Variants in RPS6KC1 observed in about 807,000 individuals in gnomAD.
The protein encoded by RPS6KC1 is ribosomal protein S6 kinase C1, also known as inactive ribosomal protein S6 kinase delta-1.
In RPS6KC1, 54 loss-of-function variants were observed where a neutral mutation model predicts 103.8. The ratio of observed to expected loss-of-function variants is 0.52; its 90% CI spans 0.42 to 0.65. The LOEUF is 0.65. Ranked by LOEUF, RPS6KC1 falls within the 30% of genes least tolerant of loss-of-function variation. The pLI is 0.00. For synonymous variants in RPS6KC1, 439 were observed against 438.7 expected, an observed-to-expected ratio of 1.00 and a Z score of -0.01; for missense variants, 1,151 against 1,253.8, an observed-to-expected ratio of 0.92 and a Z score of 1.24.
At chr1:213,550,889 AT>A in the RPS6KC1 span, among the ~76,000 whole-genome samples, 1 of 152,174 alleles carries the variant, frequency 6.6e-6, no homozygotes. Context: ...AAGAATTATT[AT>A]GGCTTTCCCC....
chr1:213,290,345 A>T, the RPS6KC1 span, among the ~76,000 whole-genome samples: 568 of 152,184 alleles, frequency 3.7e-3, 5 homozygotes, highest in African/African-American at 0.013. Context: ...ATTGGTACTT[A>T]ACTGTTCTTT....
chr1:213,080,770 G>T (rs1327081801), intron 3 of RPS6KC1, among the ~76,000 whole-genome samples: 1 of 152,170 alleles, frequency 6.6e-6, no homozygotes, highest in African/African-American at 2.4e-5. Flanking sequence ...TCACCATTTT[G>T]CCCAGGCTGG....
chr1:213,251,964 T>G (rs1335348654), intron 12 of RPS6KC1, among the ~76,000 whole-genome samples: 1 of 152,176 alleles, frequency 6.6e-6, no homozygotes, highest in Non-Finnish European at 1.5e-5. Context: ...TTAATAGACC[T>G]TTATAGGTGA....
At chr1:213,470,923 C>T in the RPS6KC1 span, among the ~76,000 whole-genome samples, 49 of 152,196 alleles carry the variant, frequency 3.2e-4, no homozygotes, top group Admixed American at 1.0e-3. Context: ...CGATGCCTGG[C>T]CTGGAATGCT....
the RPS6KC1 span, among the ~76,000 whole-genome samples, chr1:213,347,592 T>C: frequency 1.3e-5 from 2 of 152,090 alleles, no homozygotes; most frequent in African/African-American, 4.8e-5. Context: ...TAGTCCTGGC[T>C]ACTTGGGAGG....
At chr1:213,702,845 G>A in the RPS6KC1 span, among the ~76,000 whole-genome samples, 1 of 30,180 alleles carries the variant, frequency 3.3e-5, no homozygotes, top group Non-Finnish European at 6.2e-5. Flanking sequence ...AGATCATTGA[G>A]GTTTTTTTTG....
At chr1:213,079,266 A>G (rs183388306) in intron 3 of RPS6KC1, among the ~76,000 whole-genome samples, 21 of 152,260 alleles carry the variant, frequency 1.4e-4, no homozygotes, top group Admixed American at 1.3e-3. Flanking sequence ...TTGTTCATAC[A>G]TTACTGTGCA....
chr1:213,722,196 C>T, the RPS6KC1 span, among the ~76,000 whole-genome samples: 3 of 152,054 alleles, frequency 2.0e-5, no homozygotes, highest in South Asian at 4.1e-4. Flanking sequence ...AAGACCAGAA[C>T]CCAGATCTCA....
chr1:213,709,958 A>C, the RPS6KC1 span, among the ~76,000 whole-genome samples: 3 of 152,158 alleles, frequency 2.0e-5, no homozygotes, highest in African/African-American at 7.2e-5. Flanking sequence ...CGATTTTAGA[A>C]TAAGTGCTAT....
rs1284187625 is a variant in RPS6KC1 at position 213,264,193 on chromosome 1, T to G, written c.3090+1377T>G. Among the ~76,000 whole-genome samples the G allele has an allele frequency of 2.0e-5, 3 of 152,266 alleles. 1 individual carries two copies. In the South Asian group the frequency reaches 6.2e-4, roughly 32 times the overall value. On this transcript the variant is annotated intron_variant, in intron 14 of 14. Transcript: ENST00000366960. ...AGTTTGTGGAGAAGAGTAAACAGTT[T>G]AGAGTTGTACTTCAGGAAGATTAAT... is the stretch of plus-strand genomic sequence containing the variant.
chr1:213,236,505 C>T (rs2094223525), intron 10 of RPS6KC1, among the ~76,000 whole-genome samples: 1 of 152,076 alleles, frequency 6.6e-6, no homozygotes, highest in African/African-American at 2.4e-5. Flanking sequence ...CTATATCAGT[C>T]AGGATTTTAG....
At chr1:213,813,746 A>G in the RPS6KC1 span, among the ~76,000 whole-genome samples, 1 of 152,118 alleles carries the variant, frequency 6.6e-6, no homozygotes, top group Non-Finnish European at 1.5e-5. Context: ...TGGCCTTGGA[A>G]GTGGGGGAGC....
the RPS6KC1 span, among the ~76,000 whole-genome samples, chr1:213,503,598 C>T: frequency 6.6e-6 from 1 of 152,234 alleles, no homozygotes; most frequent in Admixed American, 6.5e-5. Context: ...TGCCTATTAA[C>T]AGTTACTTAT....
At position 213,069,281 on chromosome 1, in the gene RPS6KC1, A is replaced by G. The variant is rs1015715321; in HGVS notation, c.106-1725A>G. Among the ~76,000 whole-genome samples, 4 of 152,214 alleles carry G rather than the reference A, an allele frequency of 2.6e-5. No homozygotes were observed. In the South Asian group the frequency reaches 6.2e-4, roughly 24 times the overall value. On this transcript the variant is annotated intron_variant, in intron 1 of 14. Coordinates refer to ENST00000366960, the MANE Select transcript of RPS6KC1 (RefSeq NM_012424.6). Reference sequence around the variant, plus strand: ...ATTACTACAAGATTTCACCAAGTTTATATATTCTGAAAGTTGGAGAATAGA... The same window carrying G: ...ATTACTACAAGATTTCACCAAGTTTGTATATTCTGAAAGTTGGAGAATAGA...
rs373303672 is a variant in RPS6KC1 at position 213,071,101 on chromosome 1, T to C, written c.141+60T>C. On this transcript the variant is annotated intron_variant, in intron 2 of 14. Transcript: ENST00000366960. ...TGATAAAAATTTAACTAAATGCTTT[T>C]TTGAGGAAATTGCCTGAATCATTTG... 43 of 996,910 alleles carry C rather than the reference T, an allele frequency of 4.3e-5. 1 individual carries two copies. The highest frequency in any genetic ancestry group is 1.9e-4 in the East Asian group (7 of 36,540). 61.8% of individuals were successfully genotyped at this position (996,910 alleles called of 1,614,324 possible). A position where few individuals can be genotyped will look rare whatever the true frequency, so the allele number is the denominator to read the frequency against.
chr1:213,160,709 A>T (rs960608141), intron 6 of RPS6KC1, among the ~76,000 whole-genome samples: 1 of 151,774 alleles, frequency 6.6e-6, no homozygotes, highest in Non-Finnish European at 1.5e-5. Context: ...AGGGACATGG[A>T]TGAAGCTGGA....
At chr1:213,393,463 C>T in the RPS6KC1 span, among the ~76,000 whole-genome samples, 1 of 152,180 alleles carries the variant, frequency 6.6e-6, no homozygotes, top group Non-Finnish European at 1.5e-5. Context: ...TTTAATCTCA[C>T]TCTTAATGTA....
At chr1:213,588,657 C>T in the RPS6KC1 span, among the ~76,000 whole-genome samples, 69 of 152,192 alleles carry the variant, frequency 4.5e-4, no homozygotes, top group East Asian at 0.012. Flanking sequence ...TTTTGGGGTA[C>T]ATAACATTGA....
chr1:213,407,977 T>C, the RPS6KC1 span, among the ~76,000 whole-genome samples: 1 of 152,244 alleles, frequency 6.6e-6, no homozygotes, highest in Non-Finnish European at 1.5e-5. Context: ...TAAAAATTTA[T>C]TGAATGAATT....
Sources: allele counts gnomAD v4.1 joint callset (sites outside exome capture counted in the v4.1 genomes callset), GRCh38; gene constraint gnomAD v4.1.1; transcripts MANE v1.5; gene names NCBI Gene and HGNC (gene_info 2026-07-23, HGNC 2026-07-21).